The following MITF variants were observed in gnomAD, a reference collection of about 807,000 sequenced individuals.
The protein encoded by MITF is microphthalmia-associated transcription factor.
Under a neutral mutation model 60.5 loss-of-function variants are expected in MITF, and 17 were observed. That is an observed-to-expected ratio of 0.28 (90% CI 0.19 to 0.42). The LOEUF (loss-of-function observed/expected upper bound fraction) is 0.42, where lower values mean the gene tolerates loss of function less well. MITF is among the 10% of genes least tolerant of loss of function. MITF has a pLI of 1.00. For missense variants in MITF, 622 were observed against 683.5 expected, an observed-to-expected ratio of 0.91 and a Z score of 1.00; for synonymous variants, 260 against 248.5, an observed-to-expected ratio of 1.05 and a Z score of -0.43.
chr3:69,892,406 G>C (rs764495617), intron 2 of MITF, among the ~76,000 whole-genome samples: 8 of 152,142 alleles, frequency 5.3e-5, no homozygotes, highest in Non-Finnish European at 1.2e-4. Flanking sequence ...TGGTACATTT[G>C]CTGCAGTCAG....
intron 1 of MITF, among the ~76,000 whole-genome samples, chr3:69,835,225 C>T (rs999082563): frequency 3.3e-5 from 5 of 151,932 alleles, no homozygotes; most frequent in African/African-American, 9.7e-5. Flanking sequence ...GCCACGTTGC[C>T]GAGACTGGTC....
intron 2 of MITF, among the ~76,000 whole-genome samples, chr3:69,914,179 T>C (rs2065283318): frequency 6.6e-6 from 1 of 152,186 alleles, no homozygotes; most frequent in South Asian, 2.1e-4. Flanking sequence ...TGGAGTACAA[T>C]GGTGTGATCT....
chr3:69,948,664 C>A (rs903716493), intron 5 of MITF, among the ~76,000 whole-genome samples: 5 of 152,100 alleles, frequency 3.3e-5, no homozygotes, highest in African/African-American at 1.2e-4. Flanking sequence ...GTGAAAAGGT[C>A]ATTTTATATA....
intron 1 of MITF, among the ~76,000 whole-genome samples, chr3:69,810,971 C>G (rs1490813858): frequency 2.6e-5 from 4 of 152,150 alleles, no homozygotes; most frequent in Non-Finnish European, 4.4e-5. Context: ...CAGGTCTTCC[C>G]TTATTTTAAC....
chr3:69,901,961 C>G (rs2065003781), intron 2 of MITF, among the ~76,000 whole-genome samples: 1 of 152,162 alleles, frequency 6.6e-6, no homozygotes, highest in Non-Finnish European at 1.5e-5. Flanking sequence ...CTGGCTTAGT[C>G]AGGCAAAGTT....
intron 2 of MITF, among the ~76,000 whole-genome samples, chr3:69,921,871 T>C (rs1404122318): frequency 1.3e-5 from 2 of 152,182 alleles, no homozygotes; most frequent in East Asian, 3.9e-4. Flanking sequence ...AGTCTTTGTT[T>C]TGAAAGGCTG....
At chr3:69,835,814 T>C (rs2063531317) in intron 1 of MITF, among the ~76,000 whole-genome samples, 1 of 152,184 alleles carries the variant, frequency 6.6e-6, no homozygotes, top group Non-Finnish European at 1.5e-5. Context: ...CTGGGTTCTC[T>C]ATTCTGTTTC....
intron 1 of MITF, among the ~76,000 whole-genome samples, chr3:69,852,713 C>G (rs2063846099): frequency 6.6e-6 from 1 of 152,196 alleles, no homozygotes; most frequent in Non-Finnish European, 1.5e-5. Context: ...TGCACATGTT[C>G]AGCTTTTGGT....
chr3:69,741,836 C>T (rs1559602975), intron 1 of MITF, among the ~76,000 whole-genome samples: 3 of 152,340 alleles, frequency 2.0e-5, no homozygotes, highest in Admixed American at 1.3e-4. Context: ...TGTTGTGTGA[C>T]TTAAAAGGGC....
intron 1 of MITF, among the ~76,000 whole-genome samples, chr3:69,804,424 C>T (rs2062972658): frequency 6.6e-6 from 1 of 152,054 alleles, no homozygotes; most frequent in Non-Finnish European, 1.5e-5. Context: ...GTTGAGGCTC[C>T]CTCTTTTATT....
intron 1 of MITF, among the ~76,000 whole-genome samples, chr3:69,762,050 G>A (rs1488187225): frequency 6.6e-6 from 1 of 152,042 alleles, no homozygotes; most frequent in African/African-American, 2.4e-5. Flanking sequence ...TTCCATTCTG[G>A]ACTGTTTATC....
At chr3:69,962,317 G>A (rs1358580122) in intron 9 of MITF, among the ~76,000 whole-genome samples, 3 of 152,156 alleles carry the variant, frequency 2.0e-5, no homozygotes, top group African/African-American at 7.2e-5. Context: ...TATGTCAGTG[G>A]AACTGCCATT....
chr3:69,952,961 T>C (rs2066293289), intron 7 of MITF, among the ~76,000 whole-genome samples: 1 of 152,204 alleles, frequency 6.6e-6, no homozygotes, highest in Admixed American at 6.5e-5. Flanking sequence ...TTTCTAGTTT[T>C]TTCCTATCAT....
intron 1 of MITF, among the ~76,000 whole-genome samples, chr3:69,870,306 A>G (rs1415905939): frequency 1.3e-5 from 2 of 148,686 alleles, no homozygotes; most frequent in Non-Finnish European, 3.0e-5. Context: ...ATATATACAC[A>G]TACATATATA....
intron 2 of MITF, among the ~76,000 whole-genome samples, chr3:69,886,180 G>A (rs1387883180): frequency 2.0e-5 from 3 of 152,108 alleles, no homozygotes; most frequent in Non-Finnish European, 4.4e-5. Context: ...TGACACGGTA[G>A]CTTGGGGCTT....
chr3:69,950,452 A>G (rs1309521750), intron 6 of MITF, among the ~76,000 whole-genome samples: 1 of 115,354 alleles, frequency 8.7e-6, no homozygotes, highest in East Asian at 2.4e-4. Context: ...TCTGAGTTAT[A>G]TATATATATA....
rs555071882 is a variant in MITF at position 69,781,251 on chromosome 3, C to T, written c.104+41550C>T. On this transcript the variant is annotated intron_variant, in intron 1 of 9. Transcript: ENST00000352241. ...TGGGTGAGCATGTTCTTTTCAAATA[C>T]GTGACCAGGTTGTTAATGTTGGGTC... is the stretch of plus-strand genomic sequence containing the variant. Among the ~76,000 whole-genome samples, 3 of 152,218 alleles carry T rather than the reference C, an allele frequency of 2.0e-5. No homozygotes were observed. The East Asian group carries it at 5.8e-4, about 29-fold the overall frequency.
At chr3:69,834,879 A>T in intron 1 of MITF, among the ~76,000 whole-genome samples, 1 of 143,900 alleles carries the variant, frequency 6.9e-6, no homozygotes. Context: ...AGCCATTCTA[A>T]CTGGAGTGAG....
chr3:69,922,669 C>A (rs1383532392), intron 2 of MITF, among the ~76,000 whole-genome samples: 1 of 152,160 alleles, frequency 6.6e-6, no homozygotes, highest in Non-Finnish European at 1.5e-5. Context: ...GATACAGTGG[C>A]CTATTTTCTT....
Sources: allele counts gnomAD v4.1 joint callset (sites outside exome capture counted in the v4.1 genomes callset), GRCh38; gene constraint gnomAD v4.1.1; transcripts MANE v1.5; gene names NCBI Gene and HGNC (gene_info 2026-07-23, HGNC 2026-07-21).